SMIM13: variants seen among roughly 807,000 people sequenced by gnomAD.
The protein encoded by SMIM13 is small integral membrane protein 13.
A neutral mutation model predicts 5.9 loss-of-function variants in SMIM13; 3 were observed. That is an observed-to-expected ratio of 0.51 (90% CI 0.23 to 1.31). The LOEUF (loss-of-function observed/expected upper bound fraction) is 1.31, where lower values mean the gene tolerates loss of function less well. Ranked by LOEUF, SMIM13 falls within the 40% of genes most tolerant of loss-of-function variation. The probability of loss-of-function intolerance (pLI) is 0.18; values close to 1 mark genes in which losing one functional copy is unlikely to be tolerated. For missense variants in SMIM13, 85 were observed against 109.9 expected, an observed-to-expected ratio of 0.77 and a Z score of 1.01; for synonymous variants, 55 against 46.0, an observed-to-expected ratio of 1.19 and a Z score of -0.79.
chr6:11,133,029 T>TG (rs1454937772), intron 1 of SMIM13, among the ~76,000 whole-genome samples: 2 of 152,196 alleles, frequency 1.3e-5, no homozygotes, highest in African/African-American at 4.8e-5. Context: ...AAATGCCTAA[T>TG]GCCAGGCACC....
chr6:11,130,279 C>A (rs866525317), intron 1 of SMIM13, among the ~76,000 whole-genome samples: 2,960 of 146,448 alleles, frequency 0.02, 48 homozygotes, highest in South Asian at 0.042. Flanking sequence ...ACAACAACAA[C>A]AACAACAACT....
intron 1 of SMIM13, among the ~76,000 whole-genome samples, chr6:11,112,181 T>G (rs1237761307): frequency 6.6e-6 from 1 of 152,060 alleles, no homozygotes; most frequent in African/African-American, 2.4e-5. Flanking sequence ...GGCCCTCTCC[T>G]GCCCTGCTCA....
chr6:11,114,303 T>C (rs1227245248), intron 1 of SMIM13, among the ~76,000 whole-genome samples: 2 of 152,140 alleles, frequency 1.3e-5, no homozygotes, highest in African/African-American at 4.8e-5. Flanking sequence ...TGTACATTTG[T>C]CTTTTAGCTT....
chr6:11,134,275 A>G, intron 1 of SMIM13, 128 bp from the exon 2 acceptor site: 1 of 598,564 alleles, frequency 1.7e-6, no homozygotes, highest in Non-Finnish European at 2.8e-6. Context: ...TTGTTATATC[A>G]TTATATATTT....
chr6:11,119,285 T>C (rs970035359), intron 1 of SMIM13, among the ~76,000 whole-genome samples: 2 of 152,280 alleles, frequency 1.3e-5, no homozygotes, highest in African/African-American at 4.8e-5. Flanking sequence ...TCACTCACTG[T>C]TTTTGAGATG....
At chr6:11,106,312 T>G (rs72825122) in intron 1 of SMIM13, among the ~76,000 whole-genome samples, 1 of 152,224 alleles carries the variant, frequency 6.6e-6, no homozygotes, top group Non-Finnish European at 1.5e-5. Context: ...CTGAGTGAAG[T>G]CCATCTGCCA....
intron 1 of SMIM13, among the ~76,000 whole-genome samples, chr6:11,110,466 G>A (rs572231477): frequency 2.6e-5 from 4 of 152,214 alleles, no homozygotes; most frequent in East Asian, 1.9e-4. Flanking sequence ...TTAAGAAGAC[G>A]AGAAGCCTGT....
chr6:11,120,522 C>G (rs1343386740), intron 1 of SMIM13, among the ~76,000 whole-genome samples: 2 of 152,186 alleles, frequency 1.3e-5, no homozygotes, highest in Admixed American at 1.3e-4. Context: ...ATGACCTAAT[C>G]ACCTCCCAGA....
At chr6:11,096,730 ACT>A in intron 1 of SMIM13, among the ~76,000 whole-genome samples, 1 of 146,086 alleles carries the variant, frequency 6.8e-6, no homozygotes, top group South Asian at 2.2e-4. Context: ...TTGGAGTTTC[ACT>A]CTCGTTGCCC....
chr6:11,114,789 G>A (rs111491801), intron 1 of SMIM13, among the ~76,000 whole-genome samples: 83 of 151,466 alleles, frequency 5.5e-4, no homozygotes, highest in African/African-American at 1.9e-3. Flanking sequence ...TAGTAGAGAC[G>A]GGGTTTCACC....
At chr6:11,103,926 A>G (rs1196297986) in intron 1 of SMIM13, 38 of 1,551,680 alleles carry the variant, frequency 2.4e-5, no homozygotes, top group Non-Finnish European at 3.3e-5. Flanking sequence ...TCGTTCCCGT[A>G]AACTGGAGGC....
At chr6:11,121,996 C>G (rs545142230) in intron 1 of SMIM13, among the ~76,000 whole-genome samples, 2 of 152,294 alleles carry the variant, frequency 1.3e-5, no homozygotes, top group South Asian at 4.1e-4. Flanking sequence ...GTTCTGTAGT[C>G]AACTGTTGTT....
intron 1 of SMIM13, among the ~76,000 whole-genome samples, chr6:11,109,308 A>G (rs2113648867): frequency 6.6e-6 from 1 of 152,312 alleles, no homozygotes; most frequent in African/African-American, 2.4e-5. Flanking sequence ...CAGGTCTTGC[A>G]CAGTGAATGG....
chr6:11,095,009 G>A (rs996584976), intron 1 of SMIM13, among the ~76,000 whole-genome samples: 1 of 152,204 alleles, frequency 6.6e-6, no homozygotes, highest in African/African-American at 2.4e-5. Flanking sequence ...ATGAGAGGAC[G>A]TTCAACTTTT....
chr6:11,103,969 C>T (rs1758040389), intron 1 of SMIM13: 9 of 1,551,708 alleles, frequency 5.8e-6, no homozygotes, highest in Non-Finnish European at 7.8e-6. Context: ...TTGTCTTGTA[C>T]TTTTCCTGAT....
intron 1 of SMIM13, among the ~76,000 whole-genome samples, chr6:11,129,762 T>A (rs532420089): frequency 6.6e-6 from 1 of 152,340 alleles, no homozygotes; most frequent in South Asian, 2.1e-4. Flanking sequence ...GGTAGTGTGA[T>A]GCCTCCTAGT....
In SMIM13 at chr6:11,134,526, C is replaced by T. The variant is rs771293380; in HGVS notation, c.200C>T (p.Ser67Phe). 5.8e-6 allele frequency: 9 copies of T among 1,550,922 alleles called. No individual in the cohort carries two copies. Among genetic ancestry groups the T allele is most frequent in the Admixed American group, 3.9e-5 (2 of 50,958 alleles). ...PSGSETEEDT[S>F]SSPHRIRSAR... ...GGGTCTGAAACTGAAGAAGACACTTCCTCCTCTCCACACAGAATCAGATCC... is the reference window on the plus strand; with the variant it reads ...GGGTCTGAAACTGAAGAAGACACTTTCTCCTCTCCACACAGAATCAGATCC... The change falls in exon 2 of 2, where the codon TCC (serine) becomes TTC (phenylalanine). Residue 67 changes from serine to phenylalanine, a missense_variant. Transcript: ENST00000416247.
chr6:11,114,753 C>A (rs1313940982), intron 1 of SMIM13, among the ~76,000 whole-genome samples: 1 of 149,130 alleles, frequency 6.7e-6, no homozygotes, highest in African/African-American at 2.5e-5. Context: ...CGTGTACCAC[C>A]ACACCCAGCT....
At chr6:11,101,172 T>G (rs1561751321) in intron 1 of SMIM13, among the ~76,000 whole-genome samples, 1 of 152,148 alleles carries the variant, frequency 6.6e-6, no homozygotes, top group Non-Finnish European at 1.5e-5. Flanking sequence ...GGGCTTTATC[T>G]TCTGTCTCTT....
Sources: gnomAD v4.1 joint callset for allele counts (sites outside exome capture counted in the v4.1 genomes callset) on GRCh38, gnomAD v4.1.1 for gene constraint, MANE v1.5 for transcripts, NCBI Gene and HGNC (gene_info 2026-07-23, HGNC 2026-07-21) for gene names.